The following CCDC3 variants were observed in gnomAD, a reference collection of about 807,000 sequenced individuals.
CCDC3 encodes the protein coiled-coil domain-containing protein 3.
In CCDC3, 24 loss-of-function variants were observed where a neutral mutation model predicts 21.4. That is an observed-to-expected ratio of 1.12 (90% CI 0.81 to 1.58). The LOEUF (loss-of-function observed/expected upper bound fraction) is 1.58. CCDC3 is among the 40% of genes most tolerant of loss of function. CCDC3 has a pLI of 0.00. For missense variants in CCDC3, 425 were observed against 360.9 expected (o/e 1.18, Z -1.44); for synonymous variants, 186 against 166.0 (o/e 1.12, Z -0.93).
At chr10:12,945,022 C>T (rs536336124) in intron 2 of CCDC3, among the ~76,000 whole-genome samples, 1 of 152,314 alleles carries the variant, frequency 6.6e-6, no homozygotes, top group South Asian at 2.1e-4. Context: ...GATAGAGATA[C>T]AACTTTCCCT....
chr10:12,950,713 G>A (rs951709029), intron 2 of CCDC3, among the ~76,000 whole-genome samples: 7 of 152,004 alleles, frequency 4.6e-5, no homozygotes, highest in East Asian at 1.9e-4. Flanking sequence ...CTGACTCCTC[G>A]CCCATGTCAG....
At chr10:13,080,914 A>C (rs1223927458) in intron 3 of CCDC3, among the ~76,000 whole-genome samples, 1 of 152,240 alleles carries the variant, frequency 6.6e-6, no homozygotes, top group East Asian at 1.9e-4. Flanking sequence ...CCTCATCCCC[A>C]AGGCCGAAAC....
At chr10:12,921,340 T>C (rs1163273904) in intron 2 of CCDC3, among the ~76,000 whole-genome samples, 1 of 152,114 alleles carries the variant, frequency 6.6e-6, no homozygotes, top group Non-Finnish European at 1.5e-5. Context: ...CTGTCATCTG[T>C]CCCCAAGGCT....
chr10:12,935,954 C>T (rs976450729), intron 2 of CCDC3, among the ~76,000 whole-genome samples: 1 of 152,230 alleles, frequency 6.6e-6, no homozygotes, highest in Non-Finnish European at 1.5e-5. Context: ...ACTTTCTAAG[C>T]ATCTACTTTT....
chr10:12,978,617 T>C (rs1835452407), intron 2 of CCDC3, among the ~76,000 whole-genome samples: 1 of 152,030 alleles, frequency 6.6e-6, no homozygotes, highest in Admixed American at 6.6e-5. Flanking sequence ...ACCTGGGGTC[T>C]GCAGGGAGAC....
chr10:13,088,127 C>T (rs572946006), intron 3 of CCDC3, among the ~76,000 whole-genome samples: 26 of 152,256 alleles, frequency 1.7e-4, no homozygotes, highest in Admixed American at 6.5e-4. Context: ...TGTACACAGC[C>T]GCCCCAGTCA....
At chr10:13,061,016 A>T (rs1256666871) in intron 4 of CCDC3, among the ~76,000 whole-genome samples, 1 of 152,208 alleles carries the variant, frequency 6.6e-6, no homozygotes, top group East Asian at 1.9e-4. Context: ...GCAGGATTAA[A>T]TCCTTGTTCC....
intron 2 of CCDC3, among the ~76,000 whole-genome samples, chr10:12,922,314 C>G (rs1834464923): frequency 6.6e-6 from 1 of 151,948 alleles, no homozygotes; most frequent in Non-Finnish European, 1.5e-5. Flanking sequence ...TGGGTGGGAG[C>G]TCCCATCTGT....
chr10:12,953,421 C>T (rs1487707500), intron 2 of CCDC3, among the ~76,000 whole-genome samples: 1 of 152,124 alleles, frequency 6.6e-6, no homozygotes, highest in African/African-American at 2.4e-5. Flanking sequence ...TTTATATCCC[C>T]AATACTACAT....
At chr10:12,934,103 T>C (rs1420579741) in intron 2 of CCDC3, among the ~76,000 whole-genome samples, 1 of 152,234 alleles carries the variant, frequency 6.6e-6, no homozygotes, top group Non-Finnish European at 1.5e-5. Flanking sequence ...TTAAGCTTTA[T>C]TTTCACTACA....
At chr10:12,927,026 A>G (rs979748478) in intron 2 of CCDC3, among the ~76,000 whole-genome samples, 4 of 152,242 alleles carry the variant, frequency 2.6e-5, no homozygotes, top group African/African-American at 9.6e-5. Flanking sequence ...AGAGTAGTAT[A>G]TTAGCAACCA....
chr10:12,932,198 T>G (rs1374799485), intron 2 of CCDC3, among the ~76,000 whole-genome samples: 1 of 152,230 alleles, frequency 6.6e-6, no homozygotes, highest in East Asian at 1.9e-4. Context: ...TGATAATGTG[T>G]TTTTAATTTC....
intron 5 of CCDC3, among the ~76,000 whole-genome samples, chr10:13,012,094 C>T (rs1835990520): frequency 6.6e-6 from 1 of 152,048 alleles, no homozygotes; most frequent in Non-Finnish European, 1.5e-5. Flanking sequence ...CTATAAAAAC[C>T]CTGGAAGATA....
intron 2 of CCDC3, among the ~76,000 whole-genome samples, chr10:12,968,854 A>G (rs764462465): frequency 6.6e-6 from 1 of 152,176 alleles, no homozygotes; most frequent in Non-Finnish European, 1.5e-5. Context: ...AATCTATAGT[A>G]GATACACCAA....
At chr10:12,924,226 A>C (rs1286941643) in intron 2 of CCDC3, among the ~76,000 whole-genome samples, 1 of 152,226 alleles carries the variant, frequency 6.6e-6, no homozygotes, top group African/African-American at 2.4e-5. Flanking sequence ...TCTGTCTCTA[A>C]ACCACTGAGA....
At chr10:13,050,983 G>A (rs917127567) in intron 4 of CCDC3, among the ~76,000 whole-genome samples, 1 of 151,958 alleles carries the variant, frequency 6.6e-6, no homozygotes, top group Admixed American at 6.6e-5. Flanking sequence ...TAGAGACCAG[G>A]TCTCACTATG....
rs139025073 is a variant in CCDC3 at position 12,973,751 on chromosome 10, A to T, written c.549+24587T>A. On this transcript the variant is annotated intron_variant, in intron 2 of 2. Coordinates refer to ENST00000378825, the MANE Select transcript of CCDC3 (RefSeq NM_031455.4). The stretch of plus-strand genomic sequence containing the variant: ...AGGTAAACCTGACCCAGGTTTTATA[A>T]CTCCACGGCCTTACTTGGTCTTCCA... Among the ~76,000 whole-genome samples, 686 of 150,740 alleles carry T rather than the reference A, an allele frequency of 4.6e-3. 8 individuals are homozygous for T. Among genetic ancestry groups the T allele is most frequent in the African/African-American group, 0.016 (648 of 40,618 alleles).
chr10:13,058,029 C>A, intron 4 of CCDC3: 1 of 737,692 alleles, frequency 1.4e-6, no homozygotes, highest in Admixed American at 1.8e-5. Context: ...TTGTAAGCAT[C>A]TTCATCTTCC....
intron 2 of CCDC3, among the ~76,000 whole-genome samples, chr10:12,979,254 T>G (rs1835461382): frequency 6.6e-6 from 1 of 152,158 alleles, no homozygotes; most frequent in South Asian, 2.1e-4. Flanking sequence ...CTCAGAAGAA[T>G]GCACCACTGA....
Sources: allele counts gnomAD v4.1 joint callset (sites outside exome capture counted in the v4.1 genomes callset), GRCh38; gene constraint gnomAD v4.1.1; transcripts MANE v1.5; gene names NCBI Gene and HGNC (gene_info 2026-07-23, HGNC 2026-07-21).